The following KCNMB2 variants were observed in gnomAD, a reference collection of about 807,000 sequenced individuals.
KCNMB2 encodes the protein potassium calcium-activated channel subfamily M regulatory beta subunit 2.
In KCNMB2, 9 loss-of-function variants were observed where a neutral mutation model predicts 24.5. The ratio of observed to expected loss-of-function variants is 0.37; its 90% CI spans 0.22 to 0.64. KCNMB2 has a LOEUF of 0.64. Among genes scored for constraint, KCNMB2 ranks in the 30% least tolerant of loss-of-function variants. The pLI, the probability that KCNMB2 is intolerant of heterozygous loss-of-function variation, is 0.63. For synonymous variants in KCNMB2, 109 were observed against 104.4 expected, an observed-to-expected ratio of 1.04 and a Z score of -0.27; for missense variants, 226 against 284.3, an observed-to-expected ratio of 0.79 and a Z score of 1.47.
chr3:178,717,271 G>A (rs2108354905), intron 1 of KCNMB2, among the ~76,000 whole-genome samples: 1 of 151,986 alleles, frequency 6.6e-6, no homozygotes, highest in East Asian at 1.9e-4. Context: ...CTGTGTTCAT[G>A]AACCATTTAC....
In KCNMB2 at chr3:178,641,127, G is replaced by A. The variant is rs143046045; in HGVS notation, c.-68+104416G>A. ...TTACATTAATTTTTGAAATCAGATA[G>A]TTTCAGTTCTCTAACTTTGTTCTTC... On this transcript the variant is annotated intron_variant, in intron 1 of 4. Coordinates refer to ENST00000452583, the MANE Select transcript of KCNMB2 (RefSeq NM_181361.3). 4.6e-5 allele frequency among the ~76,000 whole-genome samples: 7 copies of A among 152,216 alleles called. No individual in the cohort carries two copies. The East Asian group carries it at 1.3e-3, about 29-fold the overall frequency.
intron 1 of KCNMB2, among the ~76,000 whole-genome samples, chr3:178,756,381 G>C (rs1303613186): frequency 1.3e-5 from 2 of 151,910 alleles, no homozygotes; most frequent in Non-Finnish European, 2.9e-5. Context: ...AAAGAATTAG[G>C]TTTCTGTGAG....
rs1202404832 is a variant in KCNMB2, at chr3:178,593,556, T to TG, written c.-68+56846dup. 2.6e-5 allele frequency among the ~76,000 whole-genome samples: 4 copies of TG among 152,172 alleles called. No homozygotes were observed. The East Asian group carries it at 7.7e-4, about 29-fold the overall frequency. ...GAATTCTCCCCACTACAATCTACTCTGAAAACTAACTGGTGACAAAGTTTT... is the reference window on the plus strand; with the variant it reads ...GAATTCTCCCCACTACAATCTACTCTGGAAAACTAACTGGTGACAAAGTTTT... On this transcript the variant is annotated intron_variant, in intron 1 of 4. Coordinates refer to ENST00000452583, the MANE Select transcript of KCNMB2 (RefSeq NM_181361.3).
chr3:178,678,074 A>G (rs887252058), intron 1 of KCNMB2, among the ~76,000 whole-genome samples: 1 of 152,224 alleles, frequency 6.6e-6, no homozygotes, highest in East Asian at 1.9e-4. Flanking sequence ...TCTAATTAGG[A>G]GAAGGTTGCT....
intron 2 of KCNMB2, among the ~76,000 whole-genome samples, chr3:178,809,843 A>G (rs1714116349): frequency 1.3e-5 from 2 of 152,228 alleles, no homozygotes; most frequent in African/African-American, 4.8e-5. Context: ...TGGGATTTAT[A>G]ATAATTAAAA....
intron 1 of KCNMB2, among the ~76,000 whole-genome samples, chr3:178,718,892 G>T (rs1722706235): frequency 6.6e-6 from 1 of 152,082 alleles, no homozygotes; most frequent in South Asian, 2.1e-4. Context: ...CCTGGATTTG[G>T]AAGCCCAAGT....
intron 1 of KCNMB2, among the ~76,000 whole-genome samples, chr3:178,710,362 A>C (rs948375282): frequency 1.3e-5 from 2 of 152,096 alleles, no homozygotes; most frequent in Non-Finnish European, 2.9e-5. Context: ...ACTACCTTGA[A>C]CTACCCATAT....
At chr3:178,747,101 C>T (rs1468139445) in intron 1 of KCNMB2, 1 of 152,532 alleles carries the variant, frequency 6.6e-6, no homozygotes, top group Non-Finnish European at 1.5e-5. Context: ...CTGATGAAGA[C>T]ATACCTGAGA....
chr3:178,572,020 T>G (rs1172684996), intron 1 of KCNMB2, among the ~76,000 whole-genome samples: 3 of 152,234 alleles, frequency 2.0e-5, no homozygotes, highest in African/African-American at 4.8e-5. Context: ...TGTTTCCCAC[T>G]CTGTAAATTA....
intron 1 of KCNMB2, among the ~76,000 whole-genome samples, chr3:178,588,025 T>C (rs1717521084): frequency 1.3e-5 from 2 of 151,918 alleles, no homozygotes; most frequent in African/African-American, 4.8e-5. Flanking sequence ...CTGCTAAGAA[T>C]GATGGTTTCC....
chr3:178,655,472 A>G (rs1720300150), intron 1 of KCNMB2, among the ~76,000 whole-genome samples: 1 of 152,194 alleles, frequency 6.6e-6, no homozygotes, highest in South Asian at 2.1e-4. Flanking sequence ...GTGCTGAGAA[A>G]TGAAAAGAGA....
intron 1 of KCNMB2, among the ~76,000 whole-genome samples, chr3:178,793,879 G>A (rs531760781): frequency 2.0e-5 from 3 of 152,146 alleles, no homozygotes; most frequent in African/African-American, 7.2e-5. Context: ...GAAGGGAATA[G>A]CTAACTCTGC....
At position 178,629,575 on chromosome 3, in the gene KCNMB2, C is replaced by A. The variant is rs138765183; in HGVS notation, c.-68+92864C>A. Among the ~76,000 whole-genome samples the A allele has an allele frequency of 7.2e-5, 11 of 152,208 alleles. No individual in the cohort carries two copies. The East Asian group carries it at 2.1e-3, about 29-fold the overall frequency. The stretch of plus-strand genomic sequence containing the variant: ...AATCCTGGTCTGGAAAATGAGGTCA[C>A]CAATATTCCAAGATCACAATCATCA... On this transcript the variant is annotated intron_variant, in intron 1 of 4. Coordinates refer to ENST00000452583, the MANE Select transcript of KCNMB2 (RefSeq NM_181361.3).
At chr3:178,741,996 TTAAC>T (rs766758731) in intron 1 of KCNMB2, among the ~76,000 whole-genome samples, 10 of 152,232 alleles carry the variant, frequency 6.6e-5, no homozygotes, top group Non-Finnish European at 1.2e-4. Context: ...TTCTTCTTTC[TTAAC>T]TATTACAGAT....
chr3:178,756,011 T>G (rs747485948), intron 1 of KCNMB2, among the ~76,000 whole-genome samples: 1 of 152,174 alleles, frequency 6.6e-6, no homozygotes, highest in African/African-American at 2.4e-5. Context: ...ACAAACTTTC[T>G]TGCTGAAAAT....
intron 1 of KCNMB2, among the ~76,000 whole-genome samples, chr3:178,718,431 A>C (rs936781955): frequency 3.9e-5 from 6 of 152,224 alleles, no homozygotes; most frequent in African/African-American, 1.4e-4. Flanking sequence ...TCAAGGACAT[A>C]AACTTTTTCT....
intron 1 of KCNMB2, among the ~76,000 whole-genome samples, chr3:178,616,366 G>A (rs1018609945): frequency 1.3e-5 from 2 of 152,214 alleles, no homozygotes; most frequent in African/African-American, 2.4e-5. Flanking sequence ...ATCAGAAATG[G>A]TGCTCTGGCT....
chr3:178,791,480 A>G (rs549373745), intron 1 of KCNMB2, among the ~76,000 whole-genome samples: 12 of 152,336 alleles, frequency 7.9e-5, no homozygotes, highest in African/African-American at 2.9e-4. Flanking sequence ...CACCGACAGG[A>G]TCTGTAAAAT....
chr3:178,760,186 ATC>A (rs1344435032), intron 1 of KCNMB2, among the ~76,000 whole-genome samples: 1 of 40,320 alleles, frequency 2.5e-5, no homozygotes, highest in Non-Finnish European at 4.1e-5. Flanking sequence ...AAGAGGATAT[ATC>A]TATATATATA....
Sources: allele counts gnomAD v4.1 joint callset (sites outside exome capture counted in the v4.1 genomes callset), GRCh38; gene constraint gnomAD v4.1.1; transcripts MANE v1.5; gene names NCBI Gene and HGNC (gene_info 2026-07-23, HGNC 2026-07-21).